Variants in IGSF22 observed in about 807,000 individuals in gnomAD.
IGSF22 encodes the protein immunoglobulin superfamily, member 22.
In IGSF22, 119 loss-of-function variants were observed where a neutral mutation model predicts 127.0. That is an observed-to-expected ratio of 0.94 (90% confidence interval 0.81 to 1.09). The LOEUF (loss-of-function observed/expected upper bound fraction) is 1.09. IGSF22 is among the 50% of genes least tolerant of loss of function. IGSF22 has a pLI of 0.00. For missense variants in IGSF22, 1,518 were observed against 1,716.6 expected, an observed-to-expected ratio of 0.88 and a Z score of 2.04; for synonymous variants, 568 against 664.7, an observed-to-expected ratio of 0.85 and a Z score of 2.24.
In IGSF22 at chr11:18,709,540, T is replaced by G. The variant is rs762192442; in HGVS notation, c.2845A>C (p.Lys949Gln). Residue 949 changes from lysine to glutamine, a missense_variant, in exon 18 of 23, where the codon AAG becomes CAG. Lys to Gln is a moderately conservative substitution (Grantham distance 53). This residue lies in a region of IGSF22 where 1,456 missense variants were observed against 1,644.9 expected (regional missense o/e 0.89). Transcript: ENST00000513874. This position sits in a 1 kb window ranked among gnomAD's most constrained non-coding sequence, Gnocchi z 4.8. ...CCTGAGATGGGGATCTTTGTGCACT[T>G]GGACCACTCCTTTGTGTCTTCAGCC... is the stretch of plus-strand genomic sequence containing the variant. ...MRAEDTKEWS[K>Q]CTKIPISGTC... 1.2e-6 allele frequency: 2 copies of G among 1,614,204 alleles called. No individual in the cohort carries two copies. The highest frequency in any genetic ancestry group is 1.7e-6 in the Non-Finnish European group (2 of 1,180,038).
chr11:18,705,622 A>C (rs770585362), intron 22 of IGSF22, 195 bp downstream of exon 22: 1 of 599,750 alleles, frequency 1.7e-6, no homozygotes, highest in Non-Finnish European at 2.9e-6. Flanking sequence ...TCATGTCTGC[A>C]GGGGCCAGGC....
At chr11:18,708,438 C>T (rs1848289527) in intron 18 of IGSF22, 143 bp from the exon 19 acceptor site, 2 of 597,692 alleles carry the variant, frequency 3.3e-6, no homozygotes, top group Non-Finnish European at 5.7e-6. Context: ...GCCCTGCAAC[C>T]CTGTGAAGCA....
chr11:18,721,668 T>C lies in IGSF22; in HGVS notation c.245A>G (p.Asp82Gly). 1 of 1,614,222 alleles carries C rather than the reference T, an allele frequency of 6.2e-7. No individual in the cohort carries two copies. Among genetic ancestry groups the C allele is most frequent in the South Asian group, 1.1e-5 (1 of 91,084 alleles). The change falls in exon 4 of 23, where the codon GAC becomes GGC. Residue 82 changes from aspartate to glycine, a missense_variant. Physicochemically the swap from Asp to Gly is moderately conservative, Grantham distance 94 (BLOSUM62 -1). Around this residue, in one of 3 missense-constraint regions of IGSF22, gnomAD observed 1,456 missense variants for 1,644.9 expected, o/e 0.89. Coordinates refer to ENST00000513874, the MANE Select transcript of IGSF22 (RefSeq NM_173588.4). ...CACCCGGGCTCGGAACACGGCTTTG[T>C]CCCCTGCGATGAGCACAGGACGCGT... ...KPQPVTAPEGDKAVFRARVQG... is the reference protein window; with the variant it reads ...KPQPVTAPEGGKAVFRARVQG...
chr11:18,716,991 A>G lies in IGSF22; in HGVS notation c.983T>C (p.Leu328Pro), dbSNP rs1406491253. The G allele has an allele frequency of 6.2e-7, 1 of 1,613,936 alleles. No homozygotes were observed. Among genetic ancestry groups the G allele is most frequent in the Non-Finnish European group, 8.5e-7 (1 of 1,179,972 alleles). Residue 328 changes from leucine to proline, a missense_variant, in exon 10 of 23, where the codon CTG becomes CCG. By Grantham distance (98) the Leu-to-Pro change is moderately conservative (BLOSUM62 -3). Around this residue, in one of 3 missense-constraint regions of IGSF22, gnomAD observed 1,456 missense variants for 1,644.9 expected, o/e 0.89. Transcript: ENST00000513874. This position sits in a 1 kb window ranked among gnomAD's most constrained non-coding sequence, Gnocchi z 4.5. ...SAELTVLDEP[L>P]KFLGEMKPVK... is the part of the protein sequence containing the mutation. Reference sequence around the variant, plus strand: ...AGGCTTCATCTCTCCCAGGAACTTCAGTGGCTCATCTGCAGCAAACAGTAG... The same window carrying G: ...AGGCTTCATCTCTCCCAGGAACTTCGGTGGCTCATCTGCAGCAAACAGTAG...
chr11:18,712,011 G>C, intron 15 of IGSF22, 71 bp downstream of exon 15: 2 of 1,302,284 alleles, frequency 1.5e-6, no homozygotes, highest in Admixed American at 4.4e-5. Context: ...ACAGATCAGT[G>C]TTCCTTCCTG....
intron 15 of IGSF22, among the ~76,000 whole-genome samples, chr11:18,711,636 G>C (rs534355213): frequency 6.6e-6 from 1 of 152,270 alleles, no homozygotes; most frequent in African/African-American, 2.4e-5. Flanking sequence ...GACCTCAGGT[G>C]ATCCTCCCAC....
chr11:18,710,590 G>C, intron 16 of IGSF22, 65 bp downstream of exon 16: 4 of 1,584,592 alleles, frequency 2.5e-6, no homozygotes, highest in Non-Finnish European at 3.5e-6. Context: ...TGTGTCAGTA[G>C]TTAATGGGTC....
Position 18,704,391 on chromosome 11 carries a change from T to A in IGSF22, c.*77A>T. The A allele has an allele frequency of 4.2e-6, 4 of 945,258 alleles. No homozygotes were observed. The highest frequency in any genetic ancestry group is 5.0e-6 in the Non-Finnish European group (3 of 599,172). The allele number at this position is 945,258 out of a possible 1,614,324, so 58.6% of individuals were successfully genotyped here. A position where few individuals can be genotyped will look rare whatever the true frequency, so the allele number is the denominator to read the frequency against. On this transcript the variant is annotated 3_prime_UTR_variant, in exon 23 of 23. Transcript: ENST00000513874. ...ACACCAGAGAGCAAACTGGGCTTCC[T>A]ACACTGGGCCATGCAGAGGACAGGC...
chr11:18,720,696 C>T (rs994705850), intron 4 of IGSF22, among the ~76,000 whole-genome samples: 2 of 152,170 alleles, frequency 1.3e-5, no homozygotes, highest in Non-Finnish European at 2.9e-5. Flanking sequence ...ACTTGATGCC[C>T]GTCTGCATGG....
chr11:18,711,537 A>T (rs1219963030), intron 15 of IGSF22, among the ~76,000 whole-genome samples: 3 of 152,150 alleles, frequency 2.0e-5, no homozygotes, highest in African/African-American at 4.8e-5. Context: ...AGCCAGGATG[A>T]CAGGAGCCCG....
chr11:18,718,051 C>T lies in IGSF22; in HGVS notation c.853G>A (p.Asp285Asn), dbSNP rs756471637. 2.5e-5 allele frequency: 40 copies of T among 1,614,102 alleles called. No individual in the cohort carries two copies. The highest frequency in any genetic ancestry group is 1.1e-4 in the East Asian group (5 of 44,898). ...LRIQYSLGKY[D>N]VKQMGTKYML... ...TACTTGGTGCCCATCTGCTTCACATCGTACTTGCCCAGGGAGTACTGGATC... is the reference window on the plus strand; with the variant it reads ...TACTTGGTGCCCATCTGCTTCACATTGTACTTGCCCAGGGAGTACTGGATC... Residue 285 changes from aspartate to asparagine, a missense_variant, in exon 9 of 23, where the codon GAT becomes AAT. Around this residue, in one of 3 missense-constraint regions of IGSF22, gnomAD observed 1,456 missense variants for 1,644.9 expected, o/e 0.89. Transcript: ENST00000513874.
At position 18,721,536 on chromosome 11, in the gene IGSF22, T is replaced by C. The variant is rs201077457; in HGVS notation, c.377A>G (p.Lys126Arg). The C allele has an allele frequency of 1.9e-6, 3 of 1,614,230 alleles. No homozygotes were observed. The Middle Eastern group carries it at 4.9e-4, about 266-fold the overall frequency. The stretch of plus-strand genomic sequence containing the variant: ...TGGACTTGGGCTTGGCCCCCGCACC[T>C]TCAGCACGTGTTCCTTGTTAATGCT... ...YDSINKEHVL[K>R]LEPLTSDDSD... Residue 126 changes from lysine to arginine, a missense_variant and splice_region_variant, in exon 4 of 23, where the codon AAG becomes AGG. Transcript: ENST00000513874.
intron 9 of IGSF22, among the ~76,000 whole-genome samples, chr11:18,717,421 C>T (rs1171180703): frequency 1.9e-4 from 12 of 64,206 alleles, no homozygotes; most frequent in Admixed American, 1.6e-3. Context: ...CCAGAGTCTG[C>T]GTTCTTTTTT....
At chr11:18,718,127 G>A in intron 8 of IGSF22, 34 bp from the exon 9 acceptor site, 2 of 1,604,874 alleles carry the variant, frequency 1.2e-6, no homozygotes, top group Non-Finnish European at 1.7e-6. Context: ...AGCTGATGAA[G>A]GGCTTTAGGA....
At chr11:18,715,201 A>G (rs570536228) in intron 11 of IGSF22, among the ~76,000 whole-genome samples, 1 of 151,958 alleles carries the variant, frequency 6.6e-6, no homozygotes, top group South Asian at 2.1e-4. Flanking sequence ...TTTGGGATAG[A>G]GTCTGGAAGA....
Position 18,721,560 on chromosome 11 carries a change from C to T in IGSF22, c.353G>A (p.Ser118Asn). ...IKESAKIFYD[S>N]INKEHVLKLE... Reference sequence around the variant, plus strand: ...CTTCAGCACGTGTTCCTTGTTAATGCTGTCGTAGAATATCTTGGCGGACTC... The same window carrying T: ...CTTCAGCACGTGTTCCTTGTTAATGTTGTCGTAGAATATCTTGGCGGACTC... The change falls in exon 4 of 23, where the codon AGC becomes AAC. Residue 118 changes from serine (S) to asparagine (N), a missense_variant. Ser to Asn is a conservative substitution (Grantham distance 46). Transcript: ENST00000513874. 6.2e-7 allele frequency: 1 copy of T among 1,614,284 alleles called. No individual in the cohort carries two copies. Among genetic ancestry groups the T allele is most frequent in the Non-Finnish European group, 8.5e-7 (1 of 1,180,054 alleles).
chr11:18,719,561 G>C (rs1848529203), intron 7 of IGSF22, among the ~76,000 whole-genome samples, 155 bp downstream of exon 7: 2 of 152,216 alleles, frequency 1.3e-5, no homozygotes, highest in Admixed American at 1.3e-4. Context: ...AAGGTGACTT[G>C]TGCTCCCTTG....
chr11:18,706,500 C>T (rs1041450712), intron 21 of IGSF22: 2 of 396,094 alleles, frequency 5.0e-6, no homozygotes, highest in Non-Finnish European at 9.2e-6. Context: ...ACCACAGTCT[C>T]CCCTCTTATC....
chr11:18,710,709 G>A lies in IGSF22; in HGVS notation c.2518C>T (p.Arg840Ter), dbSNP rs531575688. The change falls in exon 16 of 23, where the codon CGA becomes TGA. Residue 840 changes from arginine to a stop codon, truncating the protein, a stop_gained. Coordinates refer to ENST00000513874, the MANE Select transcript of IGSF22 (RefSeq NM_173588.4). LOFTEE classifies it high-confidence loss of function. ...GAPVLGYIVE[R>*]RKKGSNLWVP... ...CACAGGTTGCTGCCTTTCTTCCTTC[G>A]TTCTACAATGTAGCCGAGCACTGGG... is the stretch of plus-strand genomic sequence containing the variant. The A allele has an allele frequency of 7.9e-5, 128 of 1,614,054 alleles. No homozygotes were observed. In the Middle Eastern group the frequency reaches 9.9e-4, roughly 12 times the overall value.
Sources: allele counts gnomAD v4.1 joint callset (sites outside exome capture counted in the v4.1 genomes callset), GRCh38; gene constraint gnomAD v4.1.1; regional missense constraint gnomAD v4.1.1; non-coding constraint Gnocchi (gnomAD v3.1); transcripts MANE v1.5; gene names NCBI Gene and HGNC (gene_info 2026-07-23, HGNC 2026-07-21).